The following PATJ variants were observed in gnomAD, a reference collection of about 807,000 sequenced individuals.
PATJ encodes inaD-like protein.
In PATJ, 190 loss-of-function variants were observed where a neutral mutation model predicts 224.9. That is an observed-to-expected ratio of 0.84 (90% CI 0.75 to 0.95). PATJ has a LOEUF of 0.95. Ranked by LOEUF, PATJ falls within the 40% of genes least tolerant of loss-of-function variation. The pLI is 0.00. For missense variants in PATJ, 2,121 were observed against 2,270.3 expected (o/e 0.93, Z 1.34); for synonymous variants, 769 against 820.3 (o/e 0.94, Z 1.07).
At position 61,935,712 on chromosome 1, in the gene PATJ, ACCTGGGAGGTCAAGGTTACAGTGAG is replaced by A. The variant is rs1676750344; in HGVS notation, c.3670+7886_3670+7910del. On this transcript the variant is annotated intron_variant, in intron 27 of 43. Coordinates refer to ENST00000642238, the MANE Select transcript of PATJ (RefSeq NM_001350145.3). ...AGGCTGGGGCAGGAGGATCAGTTGAACCTGGGAGGTCAAGGTTACAGTGAGCCATGATTGTGCCACTATACTCCAG... is the reference window on the plus strand; with the variant it reads ...AGGCTGGGGCAGGAGGATCAGTTGAACCATGATTGTGCCACTATACTCCAG... 3.3e-5 allele frequency among the ~76,000 whole-genome samples: 5 copies of A among 151,962 alleles called. No homozygotes were observed. The South Asian group carries it at 1.0e-3, about 32-fold the overall frequency.
intron 17 of PATJ, among the ~76,000 whole-genome samples, chr1:61,854,562 T>G (rs1663343096): frequency 6.6e-6 from 1 of 152,192 alleles, no homozygotes; most frequent in African/African-American, 2.4e-5. Flanking sequence ...CAGAGTGAGG[T>G]GGTCAAGAGT....
intron 21 of PATJ, among the ~76,000 whole-genome samples, chr1:61,877,007 G>A (rs1184333456): frequency 6.6e-6 from 1 of 152,182 alleles, no homozygotes; most frequent in Non-Finnish European, 1.5e-5. Context: ...TCAGACAGAA[G>A]GCAGTTCTGT....
intron 41 of PATJ, among the ~76,000 whole-genome samples, chr1:62,147,618 G>C (rs1668175404): frequency 6.6e-6 from 1 of 152,026 alleles, no homozygotes; most frequent in African/African-American, 2.4e-5. Flanking sequence ...GGCCAACATG[G>C]TGAAACCCCG....
intron 26 of PATJ, among the ~76,000 whole-genome samples, chr1:61,925,888 A>T (rs1473855194): frequency 6.6e-6 from 1 of 152,204 alleles, no homozygotes; most frequent in Non-Finnish European, 1.5e-5. Flanking sequence ...AAACTGGTTA[A>T]TGTCTTACAG....
At chr1:61,848,526 C>A (rs991233472) in intron 17 of PATJ, among the ~76,000 whole-genome samples, 1 of 152,106 alleles carries the variant, frequency 6.6e-6, no homozygotes, top group Non-Finnish European at 1.5e-5. Context: ...TCTTTGTACC[C>A]AGTTCCTCCT....
chr1:62,056,467 G>A (rs537889857), intron 31 of PATJ, among the ~76,000 whole-genome samples: 2 of 152,108 alleles, frequency 1.3e-5, no homozygotes, highest in Non-Finnish European at 2.9e-5. Context: ...GTTTGAGGCT[G>A]CAGTGAGCTA....
At chr1:61,973,284 G>A (rs1683221846) in intron 27 of PATJ, among the ~76,000 whole-genome samples, 2 of 151,926 alleles carry the variant, frequency 1.3e-5, no homozygotes, top group South Asian at 2.1e-4. Flanking sequence ...ACAAAATACC[G>A]TCCAATCTCA....
chr1:61,797,959 C>T (rs906172218), intron 11 of PATJ, among the ~76,000 whole-genome samples: 2 of 151,984 alleles, frequency 1.3e-5, no homozygotes, highest in African/African-American at 4.8e-5. Flanking sequence ...TGTGCCACCA[C>T]ACACGGCTAA....
intron 41 of PATJ, among the ~76,000 whole-genome samples, chr1:62,139,691 A>G (rs1017447002): frequency 6.6e-6 from 1 of 152,004 alleles, no homozygotes; most frequent in Non-Finnish European, 1.5e-5. Context: ...TTACTTGCCA[A>G]TCACCTCTTA....
At chr1:61,857,903 G>A (rs1168714119) in intron 18 of PATJ, among the ~76,000 whole-genome samples, 4 of 151,940 alleles carry the variant, frequency 2.6e-5, no homozygotes, top group Non-Finnish European at 5.9e-5. Context: ...GAATTCCGAA[G>A]GTATTTTTTT....
chr1:61,791,988 A>G (rs1649969340), intron 9 of PATJ, among the ~76,000 whole-genome samples: 1 of 152,202 alleles, frequency 6.6e-6, no homozygotes, highest in African/African-American at 2.4e-5. Context: ...TCACTATAAG[A>G]TTTATTCCTT....
chr1:61,927,704 C>A, intron 26 of PATJ, 26 bp from the exon 27 acceptor site: 1 of 1,398,626 alleles, frequency 7.1e-7, no homozygotes, highest in Non-Finnish European at 1.0e-6. Context: ...AGCATTTAAC[C>A]CTTCTCTCAA....
At chr1:62,013,846 T>C (rs1646602965) in intron 28 of PATJ, among the ~76,000 whole-genome samples, 2 of 152,154 alleles carry the variant, frequency 1.3e-5, no homozygotes, top group African/African-American at 4.8e-5. Flanking sequence ...CGATTTTGGC[T>C]CACTGCAGCC....
chr1:61,959,719 G>A (rs1276765356), intron 27 of PATJ, among the ~76,000 whole-genome samples: 3 of 152,014 alleles, frequency 2.0e-5, no homozygotes, highest in East Asian at 3.8e-4. Flanking sequence ...TTGGAGCCAT[G>A]GTTCCCAGCC....
intron 1 of PATJ, among the ~76,000 whole-genome samples, chr1:61,756,800 G>T (rs1361195068): frequency 1.3e-5 from 2 of 151,894 alleles, no homozygotes; most frequent in Non-Finnish European, 2.9e-5. Flanking sequence ...GGCTGGTCTT[G>T]AACTCCTGAC....
intron 7 of PATJ, among the ~76,000 whole-genome samples, chr1:61,785,107 T>A (rs1484581975): frequency 6.6e-6 from 1 of 152,306 alleles, no homozygotes; most frequent in Non-Finnish European, 1.5e-5. Context: ...GTCTAAGGGT[T>A]TTTTAAAAAA....
intron 17 of PATJ, among the ~76,000 whole-genome samples, chr1:61,838,958 A>T (rs1660651801): frequency 6.6e-6 from 1 of 152,166 alleles, no homozygotes; most frequent in Non-Finnish European, 1.5e-5. Context: ...TAGGCTATGT[A>T]TTCCTCACAT....
chr1:61,896,126 G>A (rs988610745), intron 22 of PATJ, among the ~76,000 whole-genome samples: 3 of 152,174 alleles, frequency 2.0e-5, no homozygotes, highest in African/African-American at 7.2e-5. Flanking sequence ...GTGAAACCCT[G>A]TCTCTACTAA....
chr1:62,070,665 A>AT (rs1365188915), intron 31 of PATJ, among the ~76,000 whole-genome samples: 9 of 152,210 alleles, frequency 5.9e-5, no homozygotes, highest in Non-Finnish European at 1.0e-4. Flanking sequence ...ATTTTATATC[A>AT]TATCATCTGT....
Sources: allele counts gnomAD v4.1 joint callset (sites outside exome capture counted in the v4.1 genomes callset), GRCh38; gene constraint gnomAD v4.1.1; transcripts MANE v1.5; gene names NCBI Gene and HGNC (gene_info 2026-07-23, HGNC 2026-07-21).